The following DCC variants were observed in gnomAD, a reference collection of about 807,000 sequenced individuals.
The protein encoded by DCC is DCC netrin 1 receptor.
A neutral mutation model predicts 172.5 loss-of-function variants in DCC; 58 were observed. The observed-to-expected ratio is 0.34, with a 90% CI of 0.27 to 0.42. The LOEUF is 0.42. DCC is among the 10% of genes least tolerant of loss of function. DCC has a pLI of 1.00. For missense variants in DCC, 1,740 were observed against 1,791.0 expected (o/e 0.97, Z 0.51); for synonymous variants, 709 against 644.5 (o/e 1.10, Z -1.52).
chr18:52,704,934 G>A (rs1335586999), intron 1 of DCC, among the ~76,000 whole-genome samples: 2 of 152,098 alleles, frequency 1.3e-5, no homozygotes, highest in Non-Finnish European at 2.9e-5. Flanking sequence ...CTGGCCCTAA[G>A]GTATGGCTAA....
chr18:53,473,036 G>A (rs1360234422), intron 25 of DCC, among the ~76,000 whole-genome samples: 1 of 152,036 alleles, frequency 6.6e-6, no homozygotes, highest in Non-Finnish European at 1.5e-5. Flanking sequence ...ATGACTCAGT[G>A]GATAGCTCAA....
At chr18:53,128,653 G>A (rs1324857880) in intron 7 of DCC, among the ~76,000 whole-genome samples, 1 of 151,636 alleles carries the variant, frequency 6.6e-6, no homozygotes, top group Non-Finnish European at 1.5e-5. Context: ...AAATTATTAA[G>A]CATATTTTTA....
chr18:53,351,332 ACAGTG>A (rs1188142486), intron 15 of DCC, among the ~76,000 whole-genome samples: 15 of 39,484 alleles, frequency 3.8e-4, no homozygotes, highest in South Asian at 6.6e-4. Context: ...ATATATATAT[ACAGTG>A]TATATATATA....
chr18:52,636,422 C>T (rs758276069), intron 1 of DCC, among the ~76,000 whole-genome samples: 7 of 151,984 alleles, frequency 4.6e-5, no homozygotes, highest in Admixed American at 6.6e-5. Context: ...AGCTGGGAGG[C>T]GGATAGCCTG....
At chr18:53,253,211 T>C (rs2056461317) in intron 12 of DCC, among the ~76,000 whole-genome samples, 1 of 152,028 alleles carries the variant, frequency 6.6e-6, no homozygotes, top group Non-Finnish European at 1.5e-5. Flanking sequence ...TTCTTTTATA[T>C]ATTTCTTTGT....
chr18:52,374,093 T>C (rs1428933663), intron 1 of DCC, among the ~76,000 whole-genome samples: 1 of 151,556 alleles, frequency 6.6e-6, no homozygotes, highest in African/African-American at 2.4e-5. Flanking sequence ...GGGGTTTCAC[T>C]ATGTTAGCCA....
intron 7 of DCC, among the ~76,000 whole-genome samples, chr18:53,091,612 G>A (rs1430783414): frequency 2.6e-5 from 4 of 151,108 alleles, no homozygotes; most frequent in African/African-American, 4.9e-5. Context: ...ATCCTCGTAC[G>A]GTGCAAAGAG....
At chr18:52,879,688 T>A (rs2039455626) in intron 2 of DCC, among the ~76,000 whole-genome samples, 1 of 151,974 alleles carries the variant, frequency 6.6e-6, no homozygotes, top group South Asian at 2.1e-4. Context: ...CCTCAGCCTC[T>A]CAAAGTGCTG....
intron 12 of DCC, among the ~76,000 whole-genome samples, chr18:53,224,073 C>T (rs988884684): frequency 6.6e-6 from 1 of 152,176 alleles, no homozygotes; most frequent in South Asian, 2.1e-4. Context: ...CTAGAGCTTA[C>T]TTATATTCTA....
intron 2 of DCC, among the ~76,000 whole-genome samples, chr18:52,859,736 T>A (rs1394264222): frequency 6.6e-6 from 1 of 152,182 alleles, no homozygotes; most frequent in East Asian, 1.9e-4. Flanking sequence ...GCTACTTCTG[T>A]TTGCAGGCCC....
At chr18:53,184,631 A>T in intron 9 of DCC, among the ~76,000 whole-genome samples, 1 of 152,140 alleles carries the variant, frequency 6.6e-6, no homozygotes, top group Admixed American at 6.5e-5. Context: ...GCATGTCTAA[A>T]CATAGAAAAG....
intron 8 of DCC, among the ~76,000 whole-genome samples, chr18:53,174,116 G>T (rs2055053970): frequency 7.0e-6 from 1 of 142,020 alleles, no homozygotes; most frequent in South Asian, 2.5e-4. Flanking sequence ...AAATAAAGAT[G>T]TTCTTTGAAA....
intron 5 of DCC, among the ~76,000 whole-genome samples, chr18:52,962,256 T>A (rs1032871638): frequency 1.3e-5 from 2 of 151,422 alleles, no homozygotes; most frequent in Admixed American, 1.3e-4. Flanking sequence ...TCAAACAAAT[T>A]TACAAGAAAA....
chr18:52,416,612 C>T (rs1372836676), intron 1 of DCC, among the ~76,000 whole-genome samples: 1 of 151,698 alleles, frequency 6.6e-6, no homozygotes, highest in Non-Finnish European at 1.5e-5. Context: ...GAATTGATCC[C>T]TTTAGCATTA....
chr18:52,721,305 G>A (rs2036470532), intron 1 of DCC, among the ~76,000 whole-genome samples: 1 of 152,208 alleles, frequency 6.6e-6, no homozygotes, highest in Non-Finnish European at 1.5e-5. Context: ...AGTCATTCAA[G>A]TGAGTAATTT....
chr18:52,790,085 C>T (rs1267495501), intron 2 of DCC, among the ~76,000 whole-genome samples: 2 of 152,096 alleles, frequency 1.3e-5, no homozygotes. Flanking sequence ...GGCCCTCACC[C>T]AGGAACTGAC....
chr18:53,505,505 G>A (rs1220817685), intron 27 of DCC, among the ~76,000 whole-genome samples: 2 of 151,936 alleles, frequency 1.3e-5, no homozygotes, highest in African/African-American at 4.9e-5. Context: ...GTGAATGACT[G>A]CAGTAGAAAA....
chr18:52,948,050 C>T (rs1298481422), intron 5 of DCC, among the ~76,000 whole-genome samples: 2 of 151,980 alleles, frequency 1.3e-5, no homozygotes, highest in Admixed American at 6.6e-5. Flanking sequence ...TCTCTGTTGG[C>T]GTTCTAGCTA....
At chr18:53,112,752 G>C (rs566393951) in intron 7 of DCC, among the ~76,000 whole-genome samples, 9 of 151,348 alleles carry the variant, frequency 5.9e-5, no homozygotes, top group Non-Finnish European at 1.0e-4. Context: ...GGTAGAATTG[G>C]ATATTATTCA....
Sources: gnomAD v4.1 joint callset for allele counts (sites outside exome capture counted in the v4.1 genomes callset) on GRCh38, gnomAD v4.1.1 for gene constraint, MANE v1.5 for transcripts, NCBI Gene and HGNC (gene_info 2026-07-23, HGNC 2026-07-21) for gene names.